The following SP140 variants were observed in gnomAD, a reference collection of about 807,000 sequenced individuals.
The protein encoded by SP140 is nuclear body protein SP140.
A neutral mutation model predicts 125.0 loss-of-function variants in SP140; 81 were observed. That is an observed-to-expected ratio of 0.65 (90% confidence interval 0.54 to 0.78). SP140 has a LOEUF of 0.78. SP140 is among the 30% of genes least tolerant of loss of function. The pLI is 0.00. For synonymous variants in SP140, 312 were observed against 354.0 expected (o/e 0.88, Z 1.33); for missense variants, 858 against 1,037.0 (o/e 0.83, Z 2.37).
At chr2:230,312,248 T>A (rs1481775344) in intron 26 of SP140, among the ~76,000 whole-genome samples, 1 of 152,270 alleles carries the variant, frequency 6.6e-6, no homozygotes, top group East Asian at 1.9e-4. Flanking sequence ...AAGTTTAACC[T>A]GGTTAATGTA....
chr2:230,214,425 A>T (rs2044865839), intron 3 of SP140, among the ~76,000 whole-genome samples: 1 of 152,344 alleles, frequency 6.6e-6, no homozygotes, highest in South Asian at 2.1e-4. Context: ...TTCTTAACCA[A>T]CAAGTAATTT....
intron 12 of SP140, among the ~76,000 whole-genome samples, chr2:230,267,375 G>A (rs746805832): frequency 6.6e-6 from 1 of 152,198 alleles, no homozygotes; most frequent in Non-Finnish European, 1.5e-5. Context: ...TAATCTGGTA[G>A]TTCTATTTGC....
At chr2:230,214,876 A>G in intron 3 of SP140, 2 of 1,272,254 alleles carry the variant, frequency 1.6e-6, no homozygotes, top group Non-Finnish European at 2.3e-6. Flanking sequence ...CATATTCCAC[A>G]GGGCTAGAAG....
At chr2:230,276,263 G>A (rs949124239) in intron 15 of SP140, among the ~76,000 whole-genome samples, 2 of 152,168 alleles carry the variant, frequency 1.3e-5, no homozygotes, top group African/African-American at 4.8e-5. Context: ...AACAGGCTGA[G>A]TCTCTTGTTA....
intron 12 of SP140, among the ~76,000 whole-genome samples, chr2:230,267,727 T>C (rs1207871075): frequency 2.0e-5 from 3 of 152,212 alleles, no homozygotes; most frequent in Non-Finnish European, 4.4e-5. Flanking sequence ...GAGGCCACTA[T>C]ATTTCAGTAT....
At chr2:230,271,117 A>G (rs1035748808) in intron 15 of SP140, among the ~76,000 whole-genome samples, 1 of 152,216 alleles carries the variant, frequency 6.6e-6, no homozygotes, top group African/African-American at 2.4e-5. Flanking sequence ...AGTGAGACCC[A>G]TGTCACACTT....
chr2:230,255,320 A>G (rs1442915000), intron 11 of SP140, 132 bp from the exon 12 acceptor site: 3 of 965,230 alleles, frequency 3.1e-6, no homozygotes, highest in African/African-American at 3.2e-5. Context: ...AGGGCAGACC[A>G]GGAGGACCTG....
chr2:230,246,195 G>GGAGGATAGTGGGACAGGAAAA (rs1442371914), intron 7 of SP140, among the ~76,000 whole-genome samples: 12 of 152,242 alleles, frequency 7.9e-5, no homozygotes, highest in Non-Finnish European at 1.8e-4. Context: ...GCTTCTTCCT[G>GGAGGATAGTGGGACAGGAAAA]CTTTCCTTAA....
chr2:230,238,273 A>G lies in SP140; in HGVS notation c.298A>G (p.Ser100Gly). The change falls in exon 3 of 27, where the codon AGT (serine) becomes GGT (glycine). Residue 100 changes from serine (S) to glycine (G), a missense_variant. Physicochemically the swap from Ser to Gly is moderately conservative, Grantham distance 56. Transcript: ENST00000392045. ...GACAAGAGTGATGTATTGTGTACTC[A>G]GTGAACTGGAGAAGACATTTGGCTG... ...PVTRVMYCVL[S>G]ELEKTFGWSH... The G allele has an allele frequency of 2.5e-6, 4 of 1,613,656 alleles. No individual in the cohort carries two copies. Among genetic ancestry groups the G allele is most frequent in the Non-Finnish European group, 3.4e-6 (4 of 1,179,560 alleles).
At chr2:230,192,410 T>C in the SP140 span, among the ~76,000 whole-genome samples, 3 of 151,060 alleles carry the variant, frequency 2.0e-5, no homozygotes, top group African/African-American at 7.4e-5. Flanking sequence ...CAAAAACTTC[T>C]CGAACTGATA....
intron 8 of SP140, among the ~76,000 whole-genome samples, chr2:230,248,488 A>G (rs2049841826): frequency 6.6e-6 from 1 of 152,044 alleles, no homozygotes; most frequent in Non-Finnish European, 1.5e-5. Context: ...TGCTAATGGG[A>G]GGGAAGGGAA....
At chr2:230,239,129 A>G (rs1329340349) in intron 3 of SP140, 1 of 1,027,212 alleles carries the variant, frequency 9.7e-7, no homozygotes, top group Admixed American at 3.6e-5. Flanking sequence ...TGAATACTAT[A>G]CCTTGATTCA....
At position 230,220,005 on chromosome 2, in the gene SP140, G is replaced by A. The variant is rs1333241839; in HGVS notation, c.-90-5750G>A. On this transcript the variant is annotated intron_variant, in intron 3 of 4. Coordinates refer to the SP140 transcript ENST00000456542. The stretch of plus-strand genomic sequence containing the variant: ...TCTGTGCTTTGACAAACGCAGTAAG[G>A]GGCCGGGCTTCCGAGAAAAGAAAAG... 3.0e-6 allele frequency: 3 copies of A among 985,634 alleles called. No homozygotes were observed. The South Asian group carries it at 1.4e-4, about 46-fold the overall frequency. 61.1% of individuals were successfully genotyped at this position (985,634 alleles called of 1,614,324 possible).
At chr2:230,219,178 T>C (rs2045567871) in intron 3 of SP140, among the ~76,000 whole-genome samples, 2 of 152,226 alleles carry the variant, frequency 1.3e-5, no homozygotes. Flanking sequence ...TGATCTGAGA[T>C]GGTGCCATTG....
At chr2:230,207,820 C>T (rs746924821) in intron 1 of SP140, among the ~76,000 whole-genome samples, 1 of 152,192 alleles carries the variant, frequency 6.6e-6, no homozygotes, top group Non-Finnish European at 1.5e-5. Flanking sequence ...AGCTCCAACT[C>T]ATTCTTTACA....
At chr2:230,229,931 G>T (rs569198845) in intron 1 of SP140, among the ~76,000 whole-genome samples, 6 of 151,606 alleles carry the variant, frequency 4.0e-5, no homozygotes, top group South Asian at 2.1e-4. Flanking sequence ...ACAGGTAGGG[G>T]TTTTTTGTTT....
upstream of SP140, among the ~76,000 whole-genome samples, chr2:230,198,258 T>C (rs2148832761): frequency 6.6e-6 from 1 of 152,282 alleles, no homozygotes; most frequent in East Asian, 1.9e-4. Context: ...AATGGGCTCT[T>C]ACATGCTGTG....
intron 1 of SP140, among the ~76,000 whole-genome samples, chr2:230,235,641 C>T (rs1030948876): frequency 6.6e-6 from 1 of 152,022 alleles, no homozygotes; most frequent in East Asian, 1.9e-4. Context: ...GTCTTCATAC[C>T]GTTTAGAAAT....
chr2:230,313,841 G>C (rs1026380144), downstream of SP140, among the ~76,000 whole-genome samples: 1 of 152,182 alleles, frequency 6.6e-6, no homozygotes, highest in African/African-American at 2.4e-5. Flanking sequence ...CAGGTCAAGA[G>C]GTAAAATAGC....
Sources: gnomAD v4.1 joint callset for allele counts (sites outside exome capture counted in the v4.1 genomes callset) on GRCh38, gnomAD v4.1.1 for gene constraint, MANE v1.5 for transcripts, NCBI Gene and HGNC (gene_info 2026-07-23, HGNC 2026-07-21) for gene names.